Variants in KMT2D observed in about 807,000 individuals in gnomAD.
KMT2D encodes histone-lysine N-methyltransferase 2D.
Under a neutral mutation model 512.7 loss-of-function variants are expected in KMT2D, and 55 were observed. The ratio of observed to expected loss-of-function variants is 0.11; its 90% CI spans 0.09 to 0.13. The LOEUF is 0.13. Ranked by LOEUF, KMT2D falls within the 10% of genes least tolerant of loss-of-function variation. The pLI, the probability that KMT2D is intolerant of heterozygous loss-of-function variation, is 1.00. For synonymous variants in KMT2D, 2,995 were observed against 2,904.0 expected (o/e 1.03, Z -1.01); for missense variants, 6,061 against 7,127.9 (o/e 0.85, Z 5.39).
Position 49,039,084 on chromosome 12 carries a change from T to C in KMT2D, c.8367-95A>G. The C allele has an allele frequency of 2.6e-6, 4 of 1,515,166 alleles. No homozygotes were observed. The highest frequency in any genetic ancestry group is 3.6e-6 in the Non-Finnish European group (4 of 1,098,986). The allele number at this position is 1,515,166 out of a possible 1,614,324, so 93.9% of individuals were successfully genotyped here. On this transcript the variant is annotated intron_variant, in intron 34 of 54. Coordinates refer to ENST00000301067, the MANE Select transcript of KMT2D (RefSeq NM_003482.4). The surrounding 1 kb of genome is among the most constrained non-coding windows in gnomAD (Gnocchi z 5.0). ...GTGAGGAAGGATAGAATTAATGCAG[T>C]GAGGGAGAAAAGGAATGAGGAAGAA...
Position 49,044,615 on chromosome 12 carries a change from C to A in KMT2D, c.4964-93G>T. 6.4e-7 allele frequency: 1 copy of A among 1,567,266 alleles called. No individual in the cohort carries two copies. The highest frequency in any genetic ancestry group is 8.7e-7 in the Non-Finnish European group (1 of 1,153,372). On this transcript the variant is annotated intron_variant, in intron 20 of 54. Coordinates refer to ENST00000301067, the MANE Select transcript of KMT2D (RefSeq NM_003482.4). The surrounding 1 kb of genome is among the most constrained non-coding windows in gnomAD (Gnocchi z 6.4). Reference sequence around the variant, plus strand: ...CCACTGAGAGAGCTGAATACCTTGCCTCAGAGCCACTTAGACGAGACAGCA... The same window carrying A: ...CCACTGAGAGAGCTGAATACCTTGCATCAGAGCCACTTAGACGAGACAGCA...
chr12:49,054,105 G>A lies in KMT2D; in HGVS notation c.546C>T (p.Ile182=), dbSNP rs763180920. The A allele has an allele frequency of 1.2e-6, 2 of 1,613,066 alleles. No individual in the cohort carries two copies. The highest frequency in any genetic ancestry group is 3.3e-5 in the Admixed American group (2 of 59,804). ...CSHCTRLGAS[I]PCRSPGCPRL... is the part of the protein sequence containing the mutation. The stretch of plus-strand genomic sequence containing the variant: ...GTGGACATCCAGGTGAGCGGCAAGG[G>A]ATGGAGGCACCGAGCCTGGTGCAGT... The change falls in exon 6 of 55, where the codon ATC becomes ATT. Residue 182 remains isoleucine (I), a synonymous_variant. Coordinates refer to ENST00000301067, the MANE Select transcript of KMT2D (RefSeq NM_003482.4). The surrounding 1 kb of genome is among the most constrained non-coding windows in gnomAD (Gnocchi z 6.4).
intron 13 of KMT2D, 146 bp downstream of exon 13, chr12:49,048,959 C>G: frequency 1.5e-6 from 1 of 686,876 alleles, no homozygotes; most frequent in Non-Finnish European, 2.6e-6. Flanking sequence ...TCAGAAAAAC[C>G]TGCGGGCCAA....
intron 35 of KMT2D, among the ~76,000 whole-genome samples, chr12:49,036,815 T>G (rs565151285): frequency 1.3e-5 from 2 of 152,294 alleles, no homozygotes; most frequent in Admixed American, 1.3e-4. Context: ...TGCTTTTTTT[T>G]GCACCACTTC....
rs1333678798 is a variant in KMT2D, at chr12:49,038,090, A to AC, written c.9265dup (p.Val3089GlyfsTer9). On this transcript the variant is annotated frameshift_variant, in exon 35 of 55. Transcript: ENST00000301067. LOFTEE classifies it high-confidence loss of function. The surrounding 1 kb of genome is among the most constrained non-coding windows in gnomAD (Gnocchi z 5.7). ...CTCAGGGCCCAAGGGTCCTGGCTCC[A>AC]CCCCCCGCAGCAGGGCCTCCCGTTC... The AC allele has an allele frequency of 6.2e-7, 1 of 1,612,852 alleles. No homozygotes were observed.
At position 49,044,171 on chromosome 12, in the gene KMT2D, G is replaced by A. The variant is rs2120579091; in HGVS notation, c.5188+29C>T. The A allele has an allele frequency of 6.2e-7, 1 of 1,605,890 alleles. No individual in the cohort carries two copies. The highest frequency in any genetic ancestry group is 8.5e-7 in the Non-Finnish European group (1 of 1,176,394). On this transcript the variant is annotated intron_variant, in intron 22 of 54. Coordinates refer to ENST00000301067, the MANE Select transcript of KMT2D (RefSeq NM_003482.4). The surrounding 1 kb of genome is among the most constrained non-coding windows in gnomAD (Gnocchi z 6.4). ...TCTAGCATTGCCCCACCTTCTCCCA[G>A]GCCCCACTGGTGCCCTCACCCGTCT... is the stretch of plus-strand genomic sequence containing the variant.
rs1459578307 is a variant in KMT2D, at chr12:49,030,903, T to A, written c.13661A>T (p.Gln4554Leu). ...GVRASEALLKQLKQELSLLPL... is the reference protein window; with the variant it reads ...GVRASEALLKLLKQELSLLPL... ...CTCCTGGGGGGTCACCTGTTTCAGC[T>A]GTTTCAGCAAGGCCTCGCTGGCCCT... Residue 4554 changes from glutamine (Q) to leucine (L), a missense_variant, in exon 41 of 55, where the codon CAG (glutamine) becomes CTG (leucine). Physicochemically the swap from Gln to Leu is moderately radical, Grantham distance 113. Transcript: ENST00000301067. 2 of 1,613,808 alleles carry A rather than the reference T, an allele frequency of 1.2e-6. No individual in the cohort carries two copies. The highest frequency in any genetic ancestry group is 2.2e-5 in the South Asian group (2 of 91,072).
At position 49,026,963 on chromosome 12, in the gene KMT2D, C is replaced by T. The variant is rs2120365371; in HGVS notation, c.15003G>A (p.Gly5001=). The T allele has an allele frequency of 6.2e-7, 1 of 1,614,044 alleles. No homozygotes were observed. Among genetic ancestry groups the T allele is most frequent in the South Asian group, 1.1e-5 (1 of 91,088 alleles). ...RLLLTIQKGS[G]RQEDEREVAE... is the part of the protein sequence containing the mutation. Reference sequence around the variant, plus strand: ...CCACTTCCCGCTCATCCTCCTGCCGCCCACTGCCCTTCTGGATGGTCAGCA... The same window carrying T: ...CCACTTCCCGCTCATCCTCCTGCCGTCCACTGCCCTTCTGGATGGTCAGCA... Residue 5001 remains glycine, a synonymous_variant, in exon 49 of 55, where the codon GGG becomes GGA. Coordinates refer to ENST00000301067, the MANE Select transcript of KMT2D (RefSeq NM_003482.4). The surrounding 1 kb of genome is among the most constrained non-coding windows in gnomAD (Gnocchi z 9.6).
Position 49,051,800 on chromosome 12 carries a change from G to A in KMT2D, c.1883C>T (p.Pro628Leu), listed in dbSNP as rs532734440. Residue 628 changes from proline to leucine, a missense_variant, in exon 11 of 55, where the codon CCA (proline) becomes CTA (leucine). Transcript: ENST00000301067. ...GGACATAGGCGAGTCCTCAGGTGGT[G>A]GGGACAGGCGTGATGCCTCAGGTGG... ...SPPPEASRLS[P>L]PPEDSPMSPP... 9 of 1,613,010 alleles carry A rather than the reference G, an allele frequency of 5.6e-6. No individual in the cohort carries two copies. The highest frequency in any genetic ancestry group is 4.5e-5 in the East Asian group (2 of 44,864).
chr12:49,039,007 A>T lies in KMT2D; in HGVS notation c.8367-18T>A. On this transcript the variant is annotated intron_variant, in intron 34 of 54. Coordinates refer to ENST00000301067, the MANE Select transcript of KMT2D (RefSeq NM_003482.4). This position sits in a 1 kb window ranked among gnomAD's most constrained non-coding sequence, Gnocchi z 5.0. ...CCAGTTGCCTGGAAGAATATACAGT[A>T]GTCAGTAGGATGAAATCAGATGAAA... 3 of 1,551,838 alleles carry T rather than the reference A, an allele frequency of 1.9e-6. No individual in the cohort carries two copies. The highest frequency in any genetic ancestry group is 1.4e-5 in the African/African-American group (1 of 73,154).
Position 49,022,414 on chromosome 12 carries a change from G to C in KMT2D, c.16339-61C>G, listed in dbSNP as rs2137705453. On this transcript the variant is annotated intron_variant, in intron 52 of 54. Coordinates refer to ENST00000301067, the MANE Select transcript of KMT2D (RefSeq NM_003482.4). This position sits in a 1 kb window ranked among gnomAD's most constrained non-coding sequence, Gnocchi z 8.6. ...GTATCAGAGAGTGGCAGTGGTGGCT[G>C]TGGGATCAGGTAGGAGACTCAGGCA... is the stretch of plus-strand genomic sequence containing the variant. 1 of 1,542,856 alleles carries C rather than the reference G, an allele frequency of 6.5e-7. No individual in the cohort carries two copies. The highest frequency in any genetic ancestry group is 8.9e-7 in the Non-Finnish European group (1 of 1,127,142).
At chr12:49,047,141 G>A (rs965614225) in intron 15 of KMT2D, among the ~76,000 whole-genome samples, 1 of 151,708 alleles carries the variant, frequency 6.6e-6, no homozygotes, top group South Asian at 2.1e-4. Context: ...GTGCGCCACC[G>A]TGCCCAGCCT....
intron 51 of KMT2D, among the ~76,000 whole-genome samples, chr12:49,023,348 G>A (rs546349062): frequency 1.3e-5 from 2 of 152,304 alleles, no homozygotes; most frequent in South Asian, 2.1e-4. Flanking sequence ...TGCCTACCAC[G>A]CTGGGCTAGA....
chr12:49,039,441 C>T lies in KMT2D; in HGVS notation c.8223G>A (p.Gly2741=). 1 of 1,599,414 alleles carries T rather than the reference C, an allele frequency of 6.3e-7. No individual in the cohort carries two copies. Among genetic ancestry groups the T allele is most frequent in the Non-Finnish European group, 8.5e-7 (1 of 1,171,470 alleles). Residue 2741 remains glycine, a synonymous_variant, in exon 33 of 55, where the codon GGG becomes GGA. Transcript: ENST00000301067. The surrounding 1 kb of genome is among the most constrained non-coding windows in gnomAD (Gnocchi z 5.0). ...CCCTTGCCACTCTACCTACCTGTGT[C>T]CCAGCAAAGGGGGTCTGGCCTCGAC... ...QLSRGQTPFA[G]TQDKSSLVGL...
rs1235424762 is a variant in KMT2D, at chr12:49,031,576, A to C, written c.13129T>G (p.Trp4377Gly). 6.2e-7 allele frequency: 1 copy of C among 1,600,392 alleles called. No individual in the cohort carries two copies. Among genetic ancestry groups the C allele is most frequent in the Non-Finnish European group, 8.5e-7 (1 of 1,173,396 alleles). ...DTLFSKGLGPWDPPDNLAETQ... is the reference protein window; with the variant it reads ...DTLFSKGLGPGDPPDNLAETQ... ...TCTGCTAGGTTGTCTGGGGGATCCC[A>C]AGGTCCCAGACCCTTGCTAAACAAG... The change falls in exon 40 of 55, where the codon TGG becomes GGG. Residue 4377 changes from tryptophan (W) to glycine (G), a missense_variant. By Grantham distance (184) the Trp-to-Gly change is radical (BLOSUM62 -2). Transcript: ENST00000301067.
chr12:49,022,291 G>T lies in KMT2D; in HGVS notation c.16401C>A (p.Gly5467=), dbSNP rs145482339. 6.2e-7 allele frequency: 1 copy of T among 1,606,020 alleles called. No homozygotes were observed. Among genetic ancestry groups the T allele is most frequent in the Non-Finnish European group, 8.5e-7 (1 of 1,173,382 alleles). The change falls in exon 53 of 55, where the codon GGC becomes GGA. Residue 5467 remains glycine (G), a synonymous_variant. Transcript: ENST00000301067. The surrounding 1 kb of genome is among the most constrained non-coding windows in gnomAD (Gnocchi z 8.6). The stretch of plus-strand genomic sequence containing the variant: ...TCGTCATCTCTCACCTGGCAGGGCC[G>T]CCGGTCAACGTAGCATCAATCACAT... The part of the protein sequence containing the change: ...NEHVIDATLT[G]GPARYINHSC...
Position 49,027,809 on chromosome 12 carries a change from C to G in KMT2D, c.14637G>C (p.Leu4879=). 6.4e-7 allele frequency: 1 copy of G among 1,565,724 alleles called. No individual in the cohort carries two copies. Among genetic ancestry groups the G allele is most frequent in the East Asian group, 2.4e-5 (1 of 41,904 alleles). ...TTTTCTCCCCCAGACCTACCTGTTT[C>G]AGGAGGCTCAAGATGTCTAGTTGGC... is the stretch of plus-strand genomic sequence containing the variant. ...LKSQLDILSL[L]KQESPAPEPP... Residue 4879 remains leucine, a synonymous_variant, in exon 48 of 55, where the codon CTG becomes CTC. Transcript: ENST00000301067.
rs939959954 is a variant in KMT2D at position 49,020,341 on chromosome 12, G to C, written c.*1439C>G. Reference sequence around the variant, plus strand: ...GGCGGTAGGTCGGGTAATGGAGGGGGCCCCCCCACAAGGGGAGCTCCATGT... The same window carrying C: ...GGCGGTAGGTCGGGTAATGGAGGGGCCCCCCCCACAAGGGGAGCTCCATGT... On this transcript the variant is annotated 3_prime_UTR_variant, in exon 55 of 55. Transcript: ENST00000301067. The C allele has an allele frequency of 2.3e-5, 4 of 176,078 alleles. No homozygotes were observed. The highest frequency in any genetic ancestry group is 4.9e-5 in the Non-Finnish European group (4 of 81,944). 10.9% of individuals were successfully genotyped at this position (176,078 alleles called of 1,614,324 possible).
intron 35 of KMT2D, among the ~76,000 whole-genome samples, chr12:49,036,637 C>G (rs572699670): frequency 3.9e-4 from 60 of 151,948 alleles, no homozygotes; most frequent in African/African-American, 1.4e-3. Flanking sequence ...TACAGGGATG[C>G]ACCACCGCGC....
Sources: allele counts gnomAD v4.1 joint callset (sites outside exome capture counted in the v4.1 genomes callset), GRCh38; gene constraint gnomAD v4.1.1; non-coding constraint Gnocchi (gnomAD v3.1); transcripts MANE v1.5; gene names NCBI Gene and HGNC (gene_info 2026-07-23, HGNC 2026-07-21).